Variants in RBFOX1 observed in about 807,000 individuals in gnomAD.
The protein encoded by RBFOX1 is RNA binding protein fox-1 homolog 1.
A neutral mutation model predicts 57.7 loss-of-function variants in RBFOX1; 8 were observed. The observed-to-expected ratio is 0.14, with a 90% confidence interval of 0.08 to 0.25. The LOEUF is 0.25. Among genes scored for constraint, RBFOX1 ranks in the 10% least tolerant of loss-of-function variants. RBFOX1 has a pLI of 1.00. For synonymous variants in RBFOX1, 326 were observed against 222.4 expected, an observed-to-expected ratio of 1.47 and a Z score of -4.15; for missense variants, 611 against 548.5, an observed-to-expected ratio of 1.11 and a Z score of -1.14.
chr16:5,321,796 C>T (rs769987700), intron 1 of RBFOX1, among the ~76,000 whole-genome samples: 8 of 152,180 alleles, frequency 5.3e-5, no homozygotes, highest in East Asian at 1.9e-4. Flanking sequence ...CGGCGTGTGG[C>T]GTCTGTGACT....
intron 4 of RBFOX1, among the ~76,000 whole-genome samples, chr16:7,457,988 A>C (rs1320736412): frequency 6.6e-6 from 1 of 152,098 alleles, no homozygotes; most frequent in Admixed American, 6.6e-5. Flanking sequence ...TACATTCCAC[A>C]GTTCCTACCC....
At chr16:6,375,398 G>C (rs751240592) in intron 2 of RBFOX1, among the ~76,000 whole-genome samples, 10 of 147,992 alleles carry the variant, frequency 6.8e-5, no homozygotes, top group Admixed American at 3.4e-4. Flanking sequence ...TAGAACTTTG[G>C]GTGCAGCTCT....
At chr16:7,406,580 A>G (rs557218195) in intron 4 of RBFOX1, among the ~76,000 whole-genome samples, 1 of 152,358 alleles carries the variant, frequency 6.6e-6, no homozygotes, top group Admixed American at 6.5e-5. Context: ...ATTAAAAAAT[A>G]CAAACTTTCC....
chr16:7,223,647 G>A (rs568719406), intron 4 of RBFOX1, among the ~76,000 whole-genome samples: 48 of 146,302 alleles, frequency 3.3e-4, no homozygotes, highest in Admixed American at 5.6e-4. Flanking sequence ...TTATTTCAGT[G>A]TCTTATGTTT....
At chr16:5,824,687 T>C (rs1042667788) in intron 3 of RBFOX1, among the ~76,000 whole-genome samples, 2 of 152,242 alleles carry the variant, frequency 1.3e-5, no homozygotes, top group African/African-American at 4.8e-5. Context: ...CATCTTGCCT[T>C]TGCAGGGCAT....
intron 1 of RBFOX1, among the ~76,000 whole-genome samples, chr16:6,210,787 G>A (rs533884646): frequency 5.8e-4 from 89 of 152,248 alleles, no homozygotes; most frequent in African/African-American, 1.9e-3. Context: ...TGAAGATCTC[G>A]TAATAATGCC....
chr16:5,597,004 T>C (rs2047204136), intron 2 of RBFOX1, among the ~76,000 whole-genome samples: 1 of 152,188 alleles, frequency 6.6e-6, no homozygotes, highest in African/African-American at 2.4e-5. Flanking sequence ...ATGACCAATG[T>C]CTACTAGAAA....
intron 3 of RBFOX1, among the ~76,000 whole-genome samples, chr16:5,814,725 G>T (rs1211936569): frequency 6.6e-6 from 1 of 152,076 alleles, no homozygotes; most frequent in Non-Finnish European, 1.5e-5. Flanking sequence ...TCAGGAGATC[G>T]AGACCATCCT....
At chr16:5,312,849 G>A (rs575407056) in intron 1 of RBFOX1, among the ~76,000 whole-genome samples, 27 of 152,212 alleles carry the variant, frequency 1.8e-4, no homozygotes, top group Non-Finnish European at 3.7e-4. Context: ...CTTCAGATAT[G>A]AGCCCAGAAT....
At chr16:7,113,623 A>G (rs777399300) in intron 4 of RBFOX1, among the ~76,000 whole-genome samples, 4 of 152,232 alleles carry the variant, frequency 2.6e-5, no homozygotes, top group Admixed American at 6.5e-5. Context: ...AGAGTGCAAT[A>G]CTACACAGTG....
At chr16:5,908,509 T>A (rs955091149) in intron 4 of RBFOX1, among the ~76,000 whole-genome samples, 7 of 151,906 alleles carry the variant, frequency 4.6e-5, no homozygotes, top group African/African-American at 1.7e-4. Context: ...CCTGCCACCA[T>A]GCCCGGCTAT....
chr16:7,310,143 C>A (rs554600407), intron 4 of RBFOX1, among the ~76,000 whole-genome samples: 303 of 152,320 alleles, frequency 2.0e-3, no homozygotes, highest in African/African-American at 6.9e-3. Flanking sequence ...GCCCTTTAAC[C>A]ATGCTGAATA....
chr16:6,192,182 A>T (rs182905158), intron 1 of RBFOX1, among the ~76,000 whole-genome samples: 1 of 151,976 alleles, frequency 6.6e-6, no homozygotes, highest in African/African-American at 2.4e-5. Context: ...TGTCAGTGCT[A>T]TTTAACGCAG....
At chr16:6,927,219 T>C (rs1396338942) in intron 3 of RBFOX1, among the ~76,000 whole-genome samples, 1 of 151,526 alleles carries the variant, frequency 6.6e-6, no homozygotes, top group African/African-American at 2.4e-5. Flanking sequence ...AAACCCTAGG[T>C]CCTGCTGAAG....
chr16:6,537,407 A>C (rs2096750025), intron 2 of RBFOX1, among the ~76,000 whole-genome samples: 1 of 152,234 alleles, frequency 6.6e-6, no homozygotes, highest in Non-Finnish European at 1.5e-5. Flanking sequence ...AGAATAGCTA[A>C]CATAAATGGA....
At chr16:5,257,557 C>T (rs999891793) in intron 1 of RBFOX1, among the ~76,000 whole-genome samples, 4 of 152,158 alleles carry the variant, frequency 2.6e-5, no homozygotes, top group African/African-American at 7.2e-5. Flanking sequence ...TGCAAAGGCT[C>T]GCAGGTGATT....
At chr16:7,594,421 A>G (rs2094588129) in intron 7 of RBFOX1, among the ~76,000 whole-genome samples, 1 of 152,210 alleles carries the variant, frequency 6.6e-6, no homozygotes, top group South Asian at 2.1e-4. Flanking sequence ...AGCTGGGTAA[A>G]TTTATGTGGA....
intron 3 of RBFOX1, among the ~76,000 whole-genome samples, chr16:5,701,470 T>A (rs952300458): frequency 1.3e-5 from 1 of 79,778 alleles, no homozygotes; most frequent in African/African-American, 2.8e-5. Context: ...GTACAAAGGA[T>A]GGAAGATTTT....
At chr16:7,623,511 C>G (rs906648087) in intron 10 of RBFOX1, among the ~76,000 whole-genome samples, 1 of 152,188 alleles carries the variant, frequency 6.6e-6, no homozygotes, top group African/African-American at 2.4e-5. Context: ...AAGATTCACA[C>G]TTTTATGAAA....
Sources: allele counts gnomAD v4.1 joint callset (sites outside exome capture counted in the v4.1 genomes callset), GRCh38; gene constraint gnomAD v4.1.1; transcripts MANE v1.5; gene names NCBI Gene and HGNC (gene_info 2026-07-23, HGNC 2026-07-21).